Variants in WDPCP observed in about 807,000 individuals in gnomAD.
WDPCP encodes WD repeat containing planar cell polarity effector, also known as WD repeat-containing and planar cell polarity effector protein fritz homolog.
WDPCP carries 71 observed loss-of-function variants against 93.1 expected under a neutral mutation model. The ratio of observed to expected loss-of-function variants is 0.76; its 90% CI spans 0.63 to 0.93. WDPCP has a LOEUF of 0.93. WDPCP is among the 40% of genes least tolerant of loss of function. The pLI, the probability that WDPCP is intolerant of heterozygous loss-of-function variation, is 0.00. For synonymous variants in WDPCP, 315 were observed against 315.0 expected, an observed-to-expected ratio of 1.00 and a Z score of 0.00; for missense variants, 844 against 887.4, an observed-to-expected ratio of 0.95 and a Z score of 0.62.
chr2:63,430,402 T>C (rs1696653897), intron 9 of WDPCP, among the ~76,000 whole-genome samples: 1 of 152,168 alleles, frequency 6.6e-6, no homozygotes, highest in Admixed American at 6.5e-5. Flanking sequence ...AGAAAGAGTA[T>C]GTGGAAATTC....
intron 14 of WDPCP, among the ~76,000 whole-genome samples, chr2:63,193,689 A>G (rs1675208833): frequency 6.6e-6 from 1 of 152,138 alleles, no homozygotes; most frequent in South Asian, 2.1e-4. Flanking sequence ...GGGTCTAACT[A>G]TGTTGCCTAG....
At chr2:63,366,447 T>G (rs1489926984) in intron 12 of WDPCP, among the ~76,000 whole-genome samples, 1 of 152,176 alleles carries the variant, frequency 6.6e-6, no homozygotes, top group African/African-American at 2.4e-5. Flanking sequence ...TAAAGATCAT[T>G]TAGTCTACCT....
At chr2:63,234,485 A>G (rs1679208838) in intron 14 of WDPCP, among the ~76,000 whole-genome samples, 1 of 152,148 alleles carries the variant, frequency 6.6e-6, no homozygotes, top group Non-Finnish European at 1.5e-5. Flanking sequence ...TCCCTTTGAA[A>G]GCTGGAATGT....
chr2:63,808,122 A>T (rs1021389145), intron 2 of WDPCP, among the ~76,000 whole-genome samples: 2 of 152,212 alleles, frequency 1.3e-5, no homozygotes, highest in South Asian at 2.1e-4. Flanking sequence ...AAAATAACTG[A>T]GGCCACAAGG....
chr2:63,767,598 G>T (rs1035398825), intron 2 of WDPCP, among the ~76,000 whole-genome samples: 1 of 152,058 alleles, frequency 6.6e-6, no homozygotes, highest in African/African-American at 2.4e-5. Flanking sequence ...CAATGATGAT[G>T]AACATCTTTT....
At chr2:63,173,786 T>C (rs1363569259) in intron 15 of WDPCP, among the ~76,000 whole-genome samples, 1 of 152,216 alleles carries the variant, frequency 6.6e-6, no homozygotes, top group Non-Finnish European at 1.5e-5. Flanking sequence ...CCCCTCTTTA[T>C]TTGCTGTTAA....
intron 2 of WDPCP, among the ~76,000 whole-genome samples, chr2:63,488,215 T>C (rs924135483): frequency 3.3e-5 from 5 of 152,078 alleles, no homozygotes; most frequent in African/African-American, 1.2e-4. Flanking sequence ...GAAGGAACAT[T>C]TGTTTTCTTC....
At chr2:63,174,625 A>G (rs1673658193) in intron 15 of WDPCP, 45 bp downstream of exon 15, 18 of 1,610,074 alleles carry the variant, frequency 1.1e-5, no homozygotes, top group Non-Finnish European at 1.5e-5. Flanking sequence ...AACAGGTAAT[A>G]CTAAATACTT....
chr2:63,567,893 A>G (rs996583404), intron 1 of WDPCP, among the ~76,000 whole-genome samples: 2 of 152,222 alleles, frequency 1.3e-5, no homozygotes, highest in South Asian at 2.1e-4. Context: ...AATTTTTTAT[A>G]TACCTCATTT....
At chr2:63,398,286 T>C (rs1693894994) in intron 10 of WDPCP, among the ~76,000 whole-genome samples, 1 of 152,158 alleles carries the variant, frequency 6.6e-6, no homozygotes, top group Admixed American at 6.5e-5. Flanking sequence ...AGCTTTAATA[T>C]CTTAATAGTA....
chr2:63,416,792 GATTA>G (rs1695463861), intron 9 of WDPCP, among the ~76,000 whole-genome samples: 1 of 152,322 alleles, frequency 6.6e-6, no homozygotes, highest in East Asian at 1.9e-4. Flanking sequence ...AAAGTGCTGG[GATTA>G]CAGGTGTAGG....
intron 2 of WDPCP, among the ~76,000 whole-genome samples, chr2:63,662,387 G>A (rs1409887649): frequency 6.6e-6 from 1 of 152,150 alleles, no homozygotes. Flanking sequence ...ATATGTATAT[G>A]TATGTATGCA....
intron 14 of WDPCP, among the ~76,000 whole-genome samples, chr2:63,218,674 C>T (rs986875181): frequency 3.3e-5 from 5 of 152,036 alleles, no homozygotes; most frequent in South Asian, 2.1e-4. Flanking sequence ...GGACTAAAGG[C>T]GTGCGACACT....
intron 6 of WDPCP, among the ~76,000 whole-genome samples, chr2:63,451,990 G>A (rs1287941100): frequency 6.6e-6 from 1 of 152,144 alleles, no homozygotes; most frequent in Non-Finnish European, 1.5e-5. Flanking sequence ...ATATCATACT[G>A]AATGGGCAAA....
At chr2:63,359,653 T>A (rs1314810209) in intron 12 of WDPCP, 1 of 152,190 alleles carries the variant, frequency 6.6e-6, no homozygotes, top group Non-Finnish European at 1.5e-5. Flanking sequence ...CTCTTAGGCA[T>A]TTATTCCAGA....
chr2:63,181,719 A>C (rs2104096220), intron 14 of WDPCP, among the ~76,000 whole-genome samples: 1 of 150,304 alleles, frequency 6.7e-6, no homozygotes, highest in African/African-American at 2.4e-5. Flanking sequence ...GTTTTTTCTA[A>C]TTCTATGAAA....
chr2:63,767,613 T>C (rs1670162516), intron 2 of WDPCP, among the ~76,000 whole-genome samples: 1 of 152,078 alleles, frequency 6.6e-6, no homozygotes, highest in Non-Finnish European at 1.5e-5. Flanking sequence ...TCTTTTTATG[T>C]GCTTATTTGC....
At chr2:63,335,465 C>T (rs1688289528) in intron 12 of WDPCP, among the ~76,000 whole-genome samples, 1 of 149,650 alleles carries the variant, frequency 6.7e-6, no homozygotes, top group Non-Finnish European at 1.5e-5. Flanking sequence ...GCTCTGTCAC[C>T]CAGGCTGGAG....
In WDPCP at chr2:63,687,579, A is replaced by T. The variant is rs139673032; in HGVS notation, n.309-36741T>A. ...ATACAAACAACAAACAGGCATATGA[A>T]AAGGTGCTCAATATCATTCATCATC... On this transcript the variant is annotated intron_variant and non_coding_transcript_variant, in intron 2 of 4. Transcript: ENST00000467687. Among the ~76,000 whole-genome samples, 61 of 152,346 alleles carry T rather than the reference A, an allele frequency of 4.0e-4. No individual in the cohort carries two copies. In the East Asian group the frequency reaches 0.012, roughly 29 times the overall value.
Sources: allele counts gnomAD v4.1 joint callset (sites outside exome capture counted in the v4.1 genomes callset), GRCh38; gene constraint gnomAD v4.1.1; transcripts MANE v1.5; gene names NCBI Gene and HGNC (gene_info 2026-07-23, HGNC 2026-07-21).